The following ADAM12 variants were observed in gnomAD, a reference collection of about 807,000 sequenced individuals.
The protein encoded by ADAM12 is ADAM metallopeptidase domain 12.
Under a neutral mutation model 106.4 loss-of-function variants are expected in ADAM12, and 70 were observed. That is an observed-to-expected ratio of 0.66 (90% CI 0.54 to 0.80). The LOEUF (loss-of-function observed/expected upper bound fraction) is 0.80, where lower values mean the gene tolerates loss of function less well. ADAM12 is among the 30% of genes least tolerant of loss of function. The pLI is 0.00. For synonymous variants in ADAM12, 420 were observed against 433.5 expected, an observed-to-expected ratio of 0.97 and a Z score of 0.39; for missense variants, 1,010 against 1,171.9, an observed-to-expected ratio of 0.86 and a Z score of 2.02.
intron 21 of ADAM12, among the ~76,000 whole-genome samples, chr10:126,025,884 A>G (rs1364457229): frequency 6.6e-6 from 1 of 152,228 alleles, no homozygotes; most frequent in Admixed American, 6.5e-5. Flanking sequence ...AATGAAAGAA[A>G]AAATGTTAAG....
intron 21 of ADAM12, among the ~76,000 whole-genome samples, chr10:126,025,438 C>G (rs920653887): frequency 6.8e-6 from 1 of 147,906 alleles, no homozygotes; most frequent in Non-Finnish European, 1.5e-5. Context: ...AGGAAAAAAT[C>G]TCGGAGCTTG....
Position 126,134,431 on chromosome 10 carries a change from T to G in ADAM12, c.416+1153A>C, listed in dbSNP as rs556819249. On this transcript the variant is annotated intron_variant, in intron 5 of 22. Transcript: ENST00000448723. Reference sequence around the variant, plus strand: ...ACTATGTGTTTACATGCACAAGGGATGAGAAAGCTGGGAGGGGAATTCCCA... The same window carrying G: ...ACTATGTGTTTACATGCACAAGGGAGGAGAAAGCTGGGAGGGGAATTCCCA... Among the ~76,000 whole-genome samples, 26 of 152,270 alleles carry G rather than the reference T, an allele frequency of 1.7e-4. No individual in the cohort carries two copies. In the South Asian group the frequency reaches 4.1e-3, roughly 24 times the overall value.
At chr10:126,379,436 G>A (rs1856414311) in intron 1 of ADAM12, among the ~76,000 whole-genome samples, 1 of 152,064 alleles carries the variant, frequency 6.6e-6, no homozygotes, top group African/African-American at 2.4e-5. Flanking sequence ...CAAACTATCA[G>A]AAGAACAGAA....
At chr10:126,375,882 G>A (rs899795949) in intron 1 of ADAM12, among the ~76,000 whole-genome samples, 1 of 151,364 alleles carries the variant, frequency 6.6e-6, no homozygotes, top group Non-Finnish European at 1.5e-5. Flanking sequence ...GCGTAGCTGG[G>A]ACTACAGGTG....
intron 13 of ADAM12, 79 bp from the exon 14 acceptor site, chr10:126,065,080 G>A: frequency 6.9e-7 from 1 of 1,449,210 alleles, no homozygotes; most frequent in South Asian, 1.4e-5. Flanking sequence ...CTGGGCTGGA[G>A]TGGACAAGGC....
chr10:126,230,007 A>G (rs376712576), intron 3 of ADAM12, among the ~76,000 whole-genome samples: 1 of 152,058 alleles, frequency 6.6e-6, no homozygotes, highest in African/African-American at 2.4e-5. Context: ...GGCTTGGCCA[A>G]TTCCTACCTG....
At chr10:126,318,226 C>T (rs1343528699) in intron 2 of ADAM12, among the ~76,000 whole-genome samples, 1 of 151,988 alleles carries the variant, frequency 6.6e-6, no homozygotes, top group African/African-American at 2.4e-5. Flanking sequence ...ACAGTCATAC[C>T]ATCTCTCTCA....
At chr10:126,092,845 G>A (rs933499752) in intron 11 of ADAM12, among the ~76,000 whole-genome samples, 2 of 152,202 alleles carry the variant, frequency 1.3e-5, no homozygotes, top group Admixed American at 6.5e-5. Flanking sequence ...GTGTGGTTCT[G>A]CTCAGTTCTT....
Position 126,118,101 on chromosome 10 carries a change from G to A in ADAM12, c.540C>T (p.His180=). Residue 180 remains histidine, a synonymous_variant, in exon 6 of 23, where the codon CAC becomes CAT. Coordinates refer to ENST00000448723, the MANE Select transcript of ADAM12 (RefSeq NM_001288973.2). The part of the protein sequence containing the change: ...KSVRGSCGSH[H]NTPNLAAKNV... ...TCTTTGCAGCGAGGTTTGGTGTGTTGTGATGTGATCCACATGATCCCCGGA... is the reference window on the plus strand; with the variant it reads ...TCTTTGCAGCGAGGTTTGGTGTGTTATGATGTGATCCACATGATCCCCGGA... The A allele has an allele frequency of 6.2e-7, 1 of 1,614,190 alleles. No individual in the cohort carries two copies. Among genetic ancestry groups the A allele is most frequent in the Non-Finnish European group, 8.5e-7 (1 of 1,180,022 alleles).
chr10:126,261,872 C>T (rs1434606525), intron 3 of ADAM12, among the ~76,000 whole-genome samples: 4 of 151,220 alleles, frequency 2.6e-5, no homozygotes, highest in East Asian at 2.0e-4. Context: ...GCGCGATCTC[C>T]GCTCACTGCA....
At chr10:126,178,962 G>T (rs566585944) in intron 3 of ADAM12, among the ~76,000 whole-genome samples, 6 of 152,184 alleles carry the variant, frequency 3.9e-5, no homozygotes, top group Admixed American at 1.3e-4. Flanking sequence ...CAGGAGAATT[G>T]CTTGAACCCA....
At chr10:126,236,376 C>T (rs1473072433) in intron 3 of ADAM12, among the ~76,000 whole-genome samples, 2 of 152,170 alleles carry the variant, frequency 1.3e-5, no homozygotes, top group Non-Finnish European at 2.9e-5. Flanking sequence ...AAGTGGGGAG[C>T]AGGAGAGCAA....
chr10:126,072,042 T>C (rs1161349171), intron 11 of ADAM12, among the ~76,000 whole-genome samples: 1 of 152,154 alleles, frequency 6.6e-6, no homozygotes, highest in Non-Finnish European at 1.5e-5. Context: ...ACAATGTCCT[T>C]ATTGGAAAGT....
intron 2 of ADAM12, among the ~76,000 whole-genome samples, chr10:126,289,443 G>A (rs1164661550): frequency 6.6e-6 from 1 of 152,198 alleles, no homozygotes; most frequent in Non-Finnish European, 1.5e-5. Flanking sequence ...CCACATCCAC[G>A]GGTACCAGCC....
intron 20 of ADAM12, 44 bp downstream of exon 20, chr10:126,038,197 G>A: frequency 6.6e-7 from 1 of 1,505,642 alleles, no homozygotes; most frequent in South Asian, 1.2e-5. Context: ...AAAACCTCAT[G>A]TCTGCATGTG....
chr10:126,301,439 A>G (rs1960619761), intron 2 of ADAM12, among the ~76,000 whole-genome samples: 1 of 152,202 alleles, frequency 6.6e-6, no homozygotes, highest in Non-Finnish European at 1.5e-5. Context: ...CAGTCCCCAA[A>G]TGAAGACACA....
At chr10:126,081,022 T>C (rs968000104) in intron 11 of ADAM12, among the ~76,000 whole-genome samples, 1 of 152,202 alleles carries the variant, frequency 6.6e-6, no homozygotes, top group African/African-American at 2.4e-5. Flanking sequence ...GCTCTCTGGG[T>C]ATGATTCGGA....
Position 126,155,305 on chromosome 10 carries a change from T to G in ADAM12, c.261A>C (p.Glu87Asp), listed in dbSNP as rs775504862. ...CCGTGAAACTGCTGGCAATGAGACCTCTGCGGAAAAACAAAAACACCATAA... is the reference window on the plus strand; with the variant it reads ...CCGTGAAACTGCTGGCAATGAGACCGCTGCGGAAAAACAAAAACACCATAA... ...KELIINLERN[E>D]GLIASSFTET... is the part of the protein sequence containing the mutation. Residue 87 changes from glutamate to aspartate, a missense_variant and splice_region_variant, in exon 4 of 23, where the codon GAA becomes GAC. Around this residue, in one of 3 missense-constraint regions of ADAM12, gnomAD observed 391 missense variants for 442.9 expected, o/e 0.88. Transcript: ENST00000448723. 5.0e-6 allele frequency: 8 copies of G among 1,613,774 alleles called. No individual in the cohort carries two copies. The East Asian group carries it at 1.6e-4, about 31-fold the overall frequency.
chr10:126,236,111 C>CA (rs765778385), intron 3 of ADAM12, among the ~76,000 whole-genome samples: 14 of 152,206 alleles, frequency 9.2e-5, no homozygotes, highest in Non-Finnish European at 1.9e-4. Context: ...AGGAAGAACA[C>CA]ATTTGCGAGT....
Sources: allele counts gnomAD v4.1 joint callset (sites outside exome capture counted in the v4.1 genomes callset), GRCh38; gene constraint gnomAD v4.1.1; regional missense constraint gnomAD v4.1.1; transcripts MANE v1.5; gene names NCBI Gene and HGNC (gene_info 2026-07-23, HGNC 2026-07-21).